The following GTF2H1 variants were observed in gnomAD, a reference collection of about 807,000 sequenced individuals.
GTF2H1 encodes the protein general transcription factor IIH subunit 1, also known as BTF2 p62.
GTF2H1 carries 16 observed loss-of-function variants against 71.2 expected under a neutral mutation model. That is an observed-to-expected ratio of 0.22 (90% CI 0.15 to 0.34). The LOEUF is 0.34. Ranked by LOEUF, GTF2H1 falls within the 10% of genes least tolerant of loss-of-function variation. The pLI is 1.00. For missense variants in GTF2H1, 498 were observed against 648.2 expected (o/e 0.77, Z 2.52); for synonymous variants, 215 against 219.0 (o/e 0.98, Z 0.16).
chr11:18,352,166 T>G, intron 10 of GTF2H1, 163 bp from the exon 11 acceptor site: 2 of 633,154 alleles, frequency 3.2e-6, no homozygotes, highest in Non-Finnish European at 5.7e-6. Flanking sequence ...TGCTGTTGCT[T>G]TCTTATTGCC....
At position 18,366,168 on chromosome 11, in the gene GTF2H1, CTG is replaced by C. The variant is rs1865819654; in HGVS notation, c.*301_*302del. The C allele has an allele frequency of 6.9e-6, 2 of 291,540 alleles. No individual in the cohort carries two copies. Among genetic ancestry groups the C allele is most frequent in the East Asian group, 5.8e-5 (1 of 17,204 alleles). The allele number at this position is 291,540 out of a possible 1,614,324, so 18.1% of individuals were successfully genotyped here. On this transcript the variant is annotated 3_prime_UTR_variant, in exon 15 of 15. Coordinates refer to ENST00000265963, the MANE Select transcript of GTF2H1 (RefSeq NM_005316.4). ...GTATGTACATATATATTTTAAAAGA[CTG>C]TTTACTGCAGTTGCTCAGGAACTGC...
intron 3 of GTF2H1, among the ~76,000 whole-genome samples, chr11:18,336,410 G>A (rs1273694665): frequency 6.6e-6 from 1 of 152,088 alleles, no homozygotes; most frequent in Non-Finnish European, 1.5e-5. Flanking sequence ...TTACAGGTAT[G>A]AGCCACCACG....
chr11:18,337,643 A>G (rs1037002060), intron 3 of GTF2H1, among the ~76,000 whole-genome samples: 3 of 152,122 alleles, frequency 2.0e-5, no homozygotes, highest in Non-Finnish European at 4.4e-5. Context: ...ACAAATAAAA[A>G]TATAACTATT....
intron 11 of GTF2H1, among the ~76,000 whole-genome samples, chr11:18,356,404 G>T (rs1865547002): frequency 6.6e-6 from 1 of 151,432 alleles, no homozygotes; most frequent in Non-Finnish European, 1.5e-5. Flanking sequence ...AAAAATCTGG[G>T]CACTAGGTAT....
intron 1 of GTF2H1, among the ~76,000 whole-genome samples, chr11:18,326,335 A>G (rs886138587): frequency 6.6e-6 from 1 of 152,130 alleles, no homozygotes; most frequent in Non-Finnish European, 1.5e-5. Flanking sequence ...CAGCCTGGCC[A>G]ACATGGCGAA....
chr11:18,365,417 C>G (rs1340244835), intron 14 of GTF2H1, among the ~76,000 whole-genome samples: 1 of 152,068 alleles, frequency 6.6e-6, no homozygotes, highest in Non-Finnish European at 1.5e-5. Flanking sequence ...ATACTACCAT[C>G]CTGGCCTTAG....
At chr11:18,349,079 G>A (rs1365626722) in intron 9 of GTF2H1, among the ~76,000 whole-genome samples, 1 of 152,126 alleles carries the variant, frequency 6.6e-6, no homozygotes, top group Non-Finnish European at 1.5e-5. Flanking sequence ...ATTTTTAGTA[G>A]AGACGGAGTT....
At chr11:18,365,225 A>G (rs1865793505) in intron 14 of GTF2H1, among the ~76,000 whole-genome samples, 5 of 151,978 alleles carry the variant, frequency 3.3e-5, no homozygotes, top group Admixed American at 3.3e-4. Context: ...TAAAAATACA[A>G]AAATTAGCCA....
intron 2 of GTF2H1, 110 bp from the exon 3 acceptor site, chr11:18,335,644 G>A (rs1001840978): frequency 4.2e-6 from 3 of 707,912 alleles, no homozygotes; most frequent in Non-Finnish European, 7.4e-6. Context: ...TTGGAATAGG[G>A]CAGTTAAAGC....
intron 5 of GTF2H1, among the ~76,000 whole-genome samples, chr11:18,340,794 G>A (rs1167137677): frequency 1.3e-5 from 2 of 152,146 alleles, no homozygotes; most frequent in Admixed American, 6.5e-5. Context: ...ATAGAAAGTG[G>A]CAGACCTGGA....
intron 1 of GTF2H1, among the ~76,000 whole-genome samples, chr11:18,332,416 A>T (rs1864921524): frequency 6.6e-6 from 1 of 152,178 alleles, no homozygotes; most frequent in Non-Finnish European, 1.5e-5. Context: ...GAGGCAGGGG[A>T]TGGAGGTGGA....
chr11:18,323,669 G>A (rs1053431159), intron 1 of GTF2H1, among the ~76,000 whole-genome samples: 1 of 152,120 alleles, frequency 6.6e-6, no homozygotes, highest in African/African-American at 2.4e-5. Context: ...TAAAGGAGTG[G>A]AACAATTTCT....
intron 11 of GTF2H1, among the ~76,000 whole-genome samples, chr11:18,353,630 A>C (rs1352358164): frequency 6.6e-6 from 1 of 152,200 alleles, no homozygotes; most frequent in Non-Finnish European, 1.5e-5. Flanking sequence ...GCAAAGAAGA[A>C]TTTGTTTTTT....
At position 18,341,336 on chromosome 11, in the gene GTF2H1, A is replaced by C; in HGVS notation, c.683A>C (p.His228Pro). 1.2e-6 allele frequency: 2 copies of C among 1,613,902 alleles called. No homozygotes were observed. Among genetic ancestry groups the C allele is most frequent in the Non-Finnish European group, 1.7e-6 (2 of 1,179,806 alleles). The change falls in exon 6 of 15, where the codon CAT becomes CCT. Residue 228 changes from histidine (H) to proline (P), a missense_variant. His to Pro is a moderately conservative substitution (Grantham distance 77, BLOSUM62 -2). Coordinates refer to ENST00000265963, the MANE Select transcript of GTF2H1 (RefSeq NM_005316.4). ...TTCTGGACACGTTTTTTCCAGTCCC[A>C]TTATTTTCACAGGGATCGGCTGAAT... Reference protein sequence around the residue: ...KEFWTRFFQSHYFHRDRLNTG... With the variant: ...KEFWTRFFQSPYFHRDRLNTG...
chr11:18,327,646 T>C (rs1864797571), intron 1 of GTF2H1, among the ~76,000 whole-genome samples: 1 of 152,348 alleles, frequency 6.6e-6, no homozygotes, highest in South Asian at 2.1e-4. Flanking sequence ...TCACCCAGAC[T>C]GGAGTGCAGT....
intron 4 of GTF2H1, 44 bp downstream of exon 4, chr11:18,338,318 C>T (rs778330059): frequency 6.3e-6 from 8 of 1,270,552 alleles, no homozygotes; most frequent in Non-Finnish European, 9.2e-6. Context: ...AAAATTCAAA[C>T]CCCAATATGT....
intron 1 of GTF2H1, among the ~76,000 whole-genome samples, chr11:18,330,185 A>T (rs1864862577): frequency 6.6e-6 from 1 of 152,188 alleles, no homozygotes; most frequent in African/African-American, 2.4e-5. Flanking sequence ...TCTGTGGCAA[A>T]CATTTCTCAT....
chr11:18,365,078 GA>G (rs397849386), intron 14 of GTF2H1, among the ~76,000 whole-genome samples: 14 of 140,840 alleles, frequency 9.9e-5, no homozygotes, highest in African/African-American at 2.7e-4. Context: ...ATTTAAAAAA[GA>G]AAAAAAAAAA....
At chr11:18,365,516 G>A (rs1214048670) in intron 14 of GTF2H1, among the ~76,000 whole-genome samples, 1 of 152,174 alleles carries the variant, frequency 6.6e-6, no homozygotes, top group East Asian at 1.9e-4. Flanking sequence ...GAGCACAATT[G>A]TGACTTTCAT....
Sources: allele counts gnomAD v4.1 joint callset (sites outside exome capture counted in the v4.1 genomes callset), GRCh38; gene constraint gnomAD v4.1.1; transcripts MANE v1.5; gene names NCBI Gene and HGNC (gene_info 2026-07-23, HGNC 2026-07-21).